Variants in ABCB8 observed in about 807,000 individuals in gnomAD.
ABCB8 encodes the protein ATP binding cassette subfamily B member 8.
In ABCB8, 52 loss-of-function variants were observed where a neutral mutation model predicts 73.0. That is an observed-to-expected ratio of 0.71 (90% CI 0.57 to 0.90). The LOEUF (loss-of-function observed/expected upper bound fraction) is 0.90. Ranked by LOEUF, ABCB8 falls within the 40% of genes least tolerant of loss-of-function variation. ABCB8 has a pLI of 0.00. For synonymous variants in ABCB8, 428 were observed against 423.5 expected (o/e 1.01, Z -0.13); for missense variants, 909 against 974.6 (o/e 0.93, Z 0.90).
chr7:151,039,652 A>T (rs1427188674), intron 9 of ABCB8: 6 of 152,220 alleles, frequency 3.9e-5, no homozygotes, highest in African/African-American at 1.4e-4. Context: ...TTTTTCAGGG[A>T]ATTTTGTTTT....
intron 14 of ABCB8, among the ~76,000 whole-genome samples, chr7:151,043,747 T>TG (rs1261822190): frequency 1.0e-4 from 2 of 19,158 alleles, no homozygotes; most frequent in African/African-American, 4.2e-4. Flanking sequence ...CAGTGCGGGG[T>TG]GGGGGTCAGA....
In ABCB8 at chr7:151,036,640, C is replaced by T. The variant is rs760313210; in HGVS notation, c.1208C>T (p.Thr403Ile). The change falls in exon 9 of 16, where the codon ACA becomes ATA. Residue 403 changes from threonine (T) to isoleucine (I), a missense_variant. Coordinates refer to ENST00000358849, the MANE Select transcript of ABCB8 (RefSeq NM_007188.5). ...ATGTCCTTCCTGGTGGCCTCCCAGA[C>T]AGTGCAAAGGTAAGTGGGGGCCGTT... Reference protein sequence around the residue: ...DLMSFLVASQTVQRSMANLSV... With the variant: ...DLMSFLVASQIVQRSMANLSV... The T allele has an allele frequency of 6.8e-6, 11 of 1,609,140 alleles. No homozygotes were observed. In the Admixed American group the frequency reaches 1.3e-4, roughly 20 times the overall value.
At chr7:151,043,898 G>GGACCCTGTGCCCCTTTGTGGGC (rs1796541908) in intron 14 of ABCB8, 73 bp from the exon 15 acceptor site, 1 of 1,580,732 alleles carries the variant, frequency 6.3e-7, no homozygotes, top group African/African-American at 1.3e-5. Flanking sequence ...CGTTCAGGAA[G>GGACCCTGTGCCCCTTTGTGGGC]GACCCTGTGC....
chr7:151,045,178 C>G, intron 15 of ABCB8, 31 bp from the exon 16 acceptor site: 1 of 1,507,484 alleles, frequency 6.6e-7, no homozygotes, highest in Non-Finnish European at 8.9e-7. Flanking sequence ...TGCCTTGGAG[C>G]AACCATCCGC....
At chr7:151,029,172 G>T in intron 1 of ABCB8, 1 of 258,768 alleles carries the variant, frequency 3.9e-6, no homozygotes, top group Non-Finnish European at 6.8e-6. Context: ...TTGGTGGCAC[G>T]CGCCTGTAAT....
chr7:151,040,241 TC>T (rs767267031), intron 9 of ABCB8, 26 bp from the exon 10 acceptor site: 5 of 1,611,602 alleles, frequency 3.1e-6, no homozygotes, highest in Non-Finnish European at 1.7e-6. Context: ...TCCCATCTAT[TC>T]CACCCCTCTC....
intron 1 of ABCB8, 52 bp downstream of exon 1, chr7:151,028,662 AG>A: frequency 6.3e-7 from 1 of 1,583,464 alleles, no homozygotes. Flanking sequence ...CCGGCAGGGC[AG>A]TGCCGGCCCG....
intron 13 of ABCB8, 49 bp downstream of exon 13, chr7:151,041,281 TG>T (rs778027452): frequency 7.1e-6 from 11 of 1,556,282 alleles, no homozygotes; most frequent in Non-Finnish European, 9.5e-6. Flanking sequence ...CGTCCTCCCC[TG>T]GGCCCTGCCC....
At chr7:151,040,079 G>A in intron 9 of ABCB8, 189 bp from the exon 10 acceptor site, 1 of 614,672 alleles carries the variant, frequency 1.6e-6, no homozygotes, top group Non-Finnish European at 2.8e-6. Context: ...TGGCCAAGGA[G>A]GGAGCCAGGG....
At chr7:151,031,438 C>A in intron 1 of ABCB8, 1 of 1,118,228 alleles carries the variant, frequency 8.9e-7, no homozygotes, top group Non-Finnish European at 1.2e-6. Flanking sequence ...GAGATGAAGA[C>A]TGCAATTAGA....
At chr7:151,033,146 C>G (rs1405783140) in intron 1 of ABCB8, 3 of 456,488 alleles carry the variant, frequency 6.6e-6, no homozygotes, top group African/African-American at 6.0e-5. Flanking sequence ...CTGTGTCTGC[C>G]CTGGTGGCTG....
Position 151,044,033 on chromosome 7 carries a change from A to G in ABCB8, c.1828A>G (p.Ile610Val). The G allele has an allele frequency of 6.2e-7, 1 of 1,613,320 alleles. No homozygotes were observed. Among genetic ancestry groups the G allele is most frequent in the South Asian group, 1.1e-5 (1 of 91,056 alleles). Residue 610 changes from isoleucine to valine, a missense_variant, in exon 15 of 16, where the codon ATC becomes GTC. Transcript: ENST00000358849. ...KQRLAIARAL[I>V]KQPTVLILDE... Reference sequence around the variant, plus strand: ...GCGCCTGGCCATCGCCCGAGCCCTTATCAAGCAGCCCACGGTGCTGATACT... The same window carrying G: ...GCGCCTGGCCATCGCCCGAGCCCTTGTCAAGCAGCCCACGGTGCTGATACT...
intron 14 of ABCB8, 22 bp downstream of exon 14, chr7:151,042,130 G>C (rs200272645): frequency 2.8e-4 from 448 of 1,609,640 alleles, no homozygotes; most frequent in Admixed American, 3.7e-4. Flanking sequence ...GGTCTGCCGG[G>C]AACCAGGTGG....
intron 9 of ABCB8, chr7:151,037,674 G>A (rs1420645060): frequency 1.0e-5 from 3 of 285,836 alleles, no homozygotes; most frequent in South Asian, 8.1e-5. Flanking sequence ...CTCTTCCACC[G>A]GGGCCCCCAC....
rs769348885 is a variant in ABCB8, at chr7:151,042,150, G to A, written c.1765+42G>A. On this transcript the variant is annotated intron_variant, in intron 14 of 15. Transcript: ENST00000358849. ...GCCGGGAACCAGGTGGTGAGGCACT[G>A]GGACACAGGATTCCACAGGAGCAGT... 4.4e-6 allele frequency: 7 copies of A among 1,605,914 alleles called. 1 individual carries two copies. The South Asian group carries it at 7.7e-5, about 18-fold the overall frequency.
intron 5 of ABCB8, 139 bp downstream of exon 5, chr7:151,034,968 C>T: frequency 2.8e-6 from 2 of 722,460 alleles, no homozygotes; most frequent in Non-Finnish European, 4.6e-6. Flanking sequence ...CCTGTGAGGG[C>T]ATGGGTGAGG....
Position 151,033,148 on chromosome 7 carries a change from T to C in ABCB8, c.96-457T>C, listed in dbSNP as rs1415672317. The C allele has an allele frequency of 3.5e-5, 16 of 455,950 alleles. 1 individual carries two copies. The highest frequency in any genetic ancestry group is 2.3e-4 in the South Asian group (15 of 64,236). 28.2% of individuals were successfully genotyped at this position (455,950 alleles called of 1,614,324 possible). A position where few individuals can be genotyped will look rare whatever the true frequency, so the allele number is the denominator to read the frequency against. ...CCAGGAGGTGGGGCTGTGTCTGCCCTGGTGGCTGCTGTGAGCAAGTCCAGT... is the reference window on the plus strand; with the variant it reads ...CCAGGAGGTGGGGCTGTGTCTGCCCCGGTGGCTGCTGTGAGCAAGTCCAGT... On this transcript the variant is annotated intron_variant, in intron 1 of 15. Transcript: ENST00000358849.
intron 15 of ABCB8, among the ~76,000 whole-genome samples, chr7:151,044,852 G>A (rs1408683180): frequency 6.6e-6 from 1 of 152,222 alleles, no homozygotes; most frequent in Non-Finnish European, 1.5e-5. Context: ...CCTGTGCAGG[G>A]AGTCAGGAGT....
rs1796621901 is a variant in ABCB8 at position 151,046,685 on chromosome 7, G to A, written c.*1336G>A. 6.6e-6 allele frequency: 1 copy of A among 152,308 alleles called. No individual in the cohort carries two copies. The highest frequency in any genetic ancestry group is 1.5e-5 in the Non-Finnish European group (1 of 68,084). The allele number at this position is 152,308 out of a possible 1,614,324, so 9.4% of individuals were successfully genotyped here. A position where few individuals can be genotyped will look rare whatever the true frequency, so the allele number is the denominator to read the frequency against. On this transcript the variant is annotated 3_prime_UTR_variant, in exon 16 of 16. Coordinates refer to ENST00000358849, the MANE Select transcript of ABCB8 (RefSeq NM_007188.5). ...CCTTCACAGCCAGGCAAGCATTCTG[G>A]ATTTACCCTGTGTAAAGAAGGGTGG...
Sources: allele counts gnomAD v4.1 joint callset (sites outside exome capture counted in the v4.1 genomes callset), GRCh38; gene constraint gnomAD v4.1.1; transcripts MANE v1.5; gene names NCBI Gene and HGNC (gene_info 2026-07-23, HGNC 2026-07-21).